Variants in USP26 observed in about 807,000 individuals in gnomAD.
USP26 encodes ubiquitin carboxyl-terminal hydrolase 26.
For missense variants in USP26, 649 were observed against 642.3 expected (o/e 1.01, Z -0.11); for synonymous variants, 236 against 240.6 (o/e 0.98, Z 0.18).
chrX:133,062,065 G>A (rs900774108), intron 5 of USP26, among the ~76,000 whole-genome samples: 2 of 111,631 alleles, frequency 1.8e-5, no homozygotes, highest in Non-Finnish European at 3.8e-5. Flanking sequence ...TGAGACAATC[G>A]AGCTTGGCGT....
rs761972433 is a variant in USP26 at position 133,025,674 on chromosome X, A to G, written c.2547T>C (p.Phe849=). 2 of 1,210,000 alleles carry G rather than the reference A, an allele frequency of 1.7e-6. No individual in the cohort carries two copies. Among genetic ancestry groups the G allele is most frequent in the East Asian group, 5.9e-5 (2 of 33,756 alleles). Residue 849 remains phenylalanine (F), a synonymous_variant, in exon 6 of 6, where the codon TTT becomes TTC. Transcript: ENST00000511190. ...SGHYICDAYD[F]EKQIWFTYDD... Reference sequence around the variant, plus strand: ...CGTAAGTGAACCAGATCTGTTTCTCAAAGTCATAGGCATCACAGATATAAT... The same window carrying G: ...CGTAAGTGAACCAGATCTGTTTCTCGAAGTCATAGGCATCACAGATATAAT...
intron 5 of USP26, among the ~76,000 whole-genome samples, chrX:133,045,331 T>A (rs1192717352): frequency 1.8e-5 from 2 of 111,286 alleles, no homozygotes; most frequent in African/African-American, 6.6e-5. Flanking sequence ...ACCAATCAGC[T>A]CTCTGTAAAA....
chrX:133,042,942 A>G (rs924648134), intron 5 of USP26, among the ~76,000 whole-genome samples: 1 of 107,737 alleles, frequency 9.3e-6, no homozygotes, highest in African/African-American at 3.4e-5. Context: ...TTAGGAAAGG[A>G]AAAAAAAAAG....
chrX:133,062,311 C>T (rs956556317), intron 5 of USP26, among the ~76,000 whole-genome samples: 1 of 111,866 alleles, frequency 8.9e-6, no homozygotes, highest in African/African-American at 3.2e-5. Flanking sequence ...CAGCTGTGGG[C>T]ACAGCTTCAG....
chrX:133,092,003 A>G (rs2148538848), intron 1 of USP26, among the ~76,000 whole-genome samples: 2 of 111,824 alleles, frequency 1.8e-5, no homozygotes, highest in African/African-American at 6.5e-5. Context: ...CATAACTTGG[A>G]ACTCATTTTG....
chrX:133,051,265 G>T (rs1460630905), intron 5 of USP26, among the ~76,000 whole-genome samples: 1 of 111,484 alleles, frequency 9.0e-6, no homozygotes. Context: ...CCTTTTCACT[G>T]GCTGAATACA....
At chrX:133,085,608 C>T (rs959614925) in intron 4 of USP26, among the ~76,000 whole-genome samples, 4 of 112,206 alleles carry the variant, frequency 3.6e-5, no homozygotes, top group African/African-American at 1.3e-4. Flanking sequence ...AACCATACAA[C>T]TTGTTAAATG....
chrX:133,053,021 A>G (rs1203972712), intron 5 of USP26, among the ~76,000 whole-genome samples: 1 of 111,764 alleles, frequency 8.9e-6, no homozygotes. Flanking sequence ...TCACCAAATA[A>G]TTTCCCAGTA....
At chrX:133,033,432 A>G (rs957223642) in intron 5 of USP26, among the ~76,000 whole-genome samples, 3 of 112,337 alleles carry the variant, frequency 2.7e-5, no homozygotes, top group Non-Finnish European at 5.6e-5. Flanking sequence ...AGACTAGCAA[A>G]TTGTTCCCAT....
chrX:133,063,638 C>T (rs138099839), intron 5 of USP26, among the ~76,000 whole-genome samples: 1,246 of 111,239 alleles, frequency 0.011, 7 homozygotes, highest in South Asian at 0.042. Context: ...TAAGGTTCAC[C>T]AGTGAGGGAG....
chrX:133,044,029 T>G (rs902453801), intron 5 of USP26, among the ~76,000 whole-genome samples: 1 of 112,587 alleles, frequency 8.9e-6, no homozygotes, highest in Non-Finnish European at 1.9e-5. Flanking sequence ...TCTTTCAATT[T>G]CTGTCAAAAA....
chrX:133,056,160 T>C (rs1434463521), intron 5 of USP26, among the ~76,000 whole-genome samples: 3 of 111,644 alleles, frequency 2.7e-5, no homozygotes, highest in African/African-American at 9.8e-5. Flanking sequence ...CATAAGTAAG[T>C]GCACAGTAGT....
At chrX:133,048,239 A>T (rs1220032518) in intron 5 of USP26, among the ~76,000 whole-genome samples, 1 of 111,730 alleles carries the variant, frequency 9.0e-6, no homozygotes, top group Non-Finnish European at 1.9e-5. Flanking sequence ...TATTTTGAAG[A>T]GCCAGTATTT....
At chrX:133,077,174 A>C (rs2067552216) in intron 5 of USP26, among the ~76,000 whole-genome samples, 1 of 111,925 alleles carries the variant, frequency 8.9e-6, no homozygotes, top group African/African-American at 3.2e-5. Flanking sequence ...TTTATTTTCT[A>C]CAACAGTGTC....
intron 5 of USP26, among the ~76,000 whole-genome samples, chrX:133,058,959 G>A (rs918593797): frequency 3.6e-5 from 4 of 110,540 alleles, no homozygotes; most frequent in South Asian, 3.9e-4. Flanking sequence ...GATTACAGGC[G>A]TCTGCCACCA....
intron 5 of USP26, among the ~76,000 whole-genome samples, chrX:133,072,099 A>G (rs2067532513): frequency 8.9e-6 from 1 of 112,107 alleles, no homozygotes; most frequent in Non-Finnish European, 1.9e-5. Context: ...GAATCTCTAG[A>G]AAACTACAAA....
At chrX:133,095,715 G>GT (rs758237603) in intron 1 of USP26, among the ~76,000 whole-genome samples, 2 of 111,501 alleles carry the variant, frequency 1.8e-5, no homozygotes, top group East Asian at 5.7e-4. Flanking sequence ...GTCCTCATAC[G>GT]TGGCCAAGAC....
At chrX:133,074,295 C>T (rs774231953) in intron 5 of USP26, among the ~76,000 whole-genome samples, 1 of 112,302 alleles carries the variant, frequency 8.9e-6, no homozygotes, top group East Asian at 2.8e-4. Flanking sequence ...CATATATGGT[C>T]CTGTGTGTTC....
chrX:133,065,280 G>A (rs2067507594), intron 5 of USP26, among the ~76,000 whole-genome samples: 1 of 111,462 alleles, frequency 9.0e-6, no homozygotes, highest in Admixed American at 9.5e-5. Context: ...CAGATTCACA[G>A]CCGAATTCTA....
Sources: gnomAD v4.1 joint callset for allele counts (sites outside exome capture counted in the v4.1 genomes callset) on GRCh38, gnomAD v4.1.1 for gene constraint, MANE v1.5 for transcripts, NCBI Gene and HGNC (gene_info 2026-07-23, HGNC 2026-07-21) for gene names.